Variants in TSPYL5 observed in about 807,000 individuals in gnomAD.
TSPYL5 encodes testis-specific Y-encoded-like protein 5.
For missense variants in TSPYL5, 556 were observed against 555.5 expected (o/e 1.00, Z -0.01); for synonymous variants, 276 against 236.1 (o/e 1.17, Z -1.55).
In TSPYL5 at chr8:97,274,905, C is replaced by T. The variant is rs1352255031; in HGVS notation, c.*1686G>A. 1 of 152,388 alleles carries T rather than the reference C, an allele frequency of 6.6e-6. No homozygotes were observed. Among genetic ancestry groups the T allele is most frequent in the Non-Finnish European group, 1.5e-5 (1 of 68,062 alleles). The allele number at this position is 152,388 out of a possible 1,614,324, so 9.4% of individuals were successfully genotyped here. The stretch of plus-strand genomic sequence containing the variant: ...CATCCCCCAGGAGAAGCTTGAGATG[C>T]TCCATATTGGAGACTAAAGCCCACT... On this transcript the variant is annotated 3_prime_UTR_variant, in exon 1 of 1. Transcript: ENST00000322128.
rs1403599308 is a variant in TSPYL5, at chr8:97,274,575, C to T, written c.*2016G>A. The T allele has an allele frequency of 6.6e-6, 1 of 152,048 alleles. No homozygotes were observed. The highest frequency in any genetic ancestry group is 1.5e-5 in the Non-Finnish European group (1 of 68,000). The allele number at this position is 152,048 out of a possible 1,614,324, so 9.4% of individuals were successfully genotyped here. A position where few individuals can be genotyped will look rare whatever the true frequency, so the allele number is the denominator to read the frequency against. On this transcript the variant is annotated 3_prime_UTR_variant, in exon 1 of 1. Transcript: ENST00000322128. ...TCACTGAGAGACAGGCATGCTCCCCCTGCGGCTTCTCAAGCCATTTCTGTC... is the reference window on the plus strand; with the variant it reads ...TCACTGAGAGACAGGCATGCTCCCCTTGCGGCTTCTCAAGCCATTTCTGTC...
chr8:97,277,846 G>A lies in TSPYL5; in HGVS notation c.-2C>T. 1.3e-5 allele frequency: 18 copies of A among 1,436,400 alleles called. No homozygotes were observed. Among genetic ancestry groups the A allele is most frequent in the Non-Finnish European group, 1.5e-5 (17 of 1,098,182 alleles). 89.0% of individuals were successfully genotyped at this position (1,436,400 alleles called of 1,614,324 possible). A position where few individuals can be genotyped will look rare whatever the true frequency, so the allele number is the denominator to read the frequency against. On this transcript the variant is annotated 5_prime_UTR_variant, in exon 1 of 1. Coordinates refer to ENST00000322128, the MANE Select transcript of TSPYL5 (RefSeq NM_033512.3). This position sits in a 1 kb window ranked among gnomAD's most constrained non-coding sequence, Gnocchi z 4.5. ...TCGACCCCGACTTCGGCCGCTCATG[G>A]TGGCGGCGGAGGCAGCTTCAAAGAC...
chr8:97,277,751 C>G lies in TSPYL5; in HGVS notation c.94G>C (p.Ala32Pro). The part of the protein sequence containing the change: ...KARVRPAPDD[A>P]PRDPDPSQYQ... ...TGTGAAGGGTCCGGGTCGCGCGGGG[C>G]GTCGTCCGGAGCAGGGCGGACTCGG... is the stretch of plus-strand genomic sequence containing the variant. The change falls in exon 1 of 1, where the codon GCC (alanine) becomes CCC (proline). Residue 32 changes from alanine to proline, a missense_variant. By Grantham distance (27) the Ala-to-Pro change is conservative. Transcript: ENST00000322128. The surrounding 1 kb of genome is among the most constrained non-coding windows in gnomAD (Gnocchi z 4.5). 2 of 1,545,974 alleles carry G rather than the reference C, an allele frequency of 1.3e-6. No individual in the cohort carries two copies. The highest frequency in any genetic ancestry group is 1.7e-6 in the Non-Finnish European group (2 of 1,149,104).
Position 97,277,068 on chromosome 8 carries a change from A to G in TSPYL5, c.777T>C (p.His259=), listed in dbSNP as rs2130736685. 1 of 1,613,670 alleles carries G rather than the reference A, an allele frequency of 6.2e-7. No homozygotes were observed. The highest frequency in any genetic ancestry group is 8.5e-7 in the Non-Finnish European group (1 of 1,180,016). ...TATTCAGAAAGGATGCTAGCTGGGGATGGTTCTGAAATGCTTGCCCCCAGA... is the reference window on the plus strand; with the variant it reads ...TATTCAGAAAGGATGCTAGCTGGGGGTGGTTCTGAAATGCTTGCCCCCAGA... ...PGFWGQAFQN[H]PQLASFLNSQ... Residue 259 remains histidine, a synonymous_variant, in exon 1 of 1, where the codon CAT becomes CAC. Coordinates refer to ENST00000322128, the MANE Select transcript of TSPYL5 (RefSeq NM_033512.3). The surrounding 1 kb of genome is among the most constrained non-coding windows in gnomAD (Gnocchi z 4.5).
rs1810466388 is a variant in TSPYL5 at position 97,273,783 on chromosome 8, T to C, written c.*2808A>G. On this transcript the variant is annotated 3_prime_UTR_variant, in exon 1 of 1. Coordinates refer to ENST00000322128, the MANE Select transcript of TSPYL5 (RefSeq NM_033512.3). ...TGACATTCTGGTGAAGGGTCTCAAG[T>C]ACCTTACCATATCAGAATTTTTGAA... The C allele has an allele frequency of 6.6e-6, 1 of 152,386 alleles. No homozygotes were observed. Among genetic ancestry groups the C allele is most frequent in the South Asian group, 2.1e-4 (1 of 4,830 alleles). The allele number at this position is 152,386 out of a possible 1,614,324, so 9.4% of individuals were successfully genotyped here.
rs1198099086 is a variant in TSPYL5, at chr8:97,274,634, G to T, written c.*1957C>A. The T allele has an allele frequency of 6.6e-6, 1 of 152,112 alleles. No individual in the cohort carries two copies. Among genetic ancestry groups the T allele is most frequent in the East Asian group, 1.9e-4 (1 of 5,180 alleles). The allele number at this position is 152,112 out of a possible 1,614,324, so 9.4% of individuals were successfully genotyped here. A position where few individuals can be genotyped will look rare whatever the true frequency, so the allele number is the denominator to read the frequency against. On this transcript the variant is annotated 3_prime_UTR_variant, in exon 1 of 1. Coordinates refer to ENST00000322128, the MANE Select transcript of TSPYL5 (RefSeq NM_033512.3). ...CAGGCCCACTCCATACCAGTATCAT[G>T]CCTACTCGACGGTTTTGCTCCAAAT...
rs1810478462 is a variant in TSPYL5 at position 97,274,379 on chromosome 8, A to G, written c.*2212T>C. 1 of 152,208 alleles carries G rather than the reference A, an allele frequency of 6.6e-6. No homozygotes were observed. The highest frequency in any genetic ancestry group is 2.4e-5 in the African/African-American group (1 of 41,448). The allele number at this position is 152,208 out of a possible 1,614,324, so 9.4% of individuals were successfully genotyped here. ...AAAGCCACACCTAGAACAAAAAAAT[A>G]AAGCATCCAAAGTAACATTATTCCG... On this transcript the variant is annotated 3_prime_UTR_variant, in exon 1 of 1. Coordinates refer to ENST00000322128, the MANE Select transcript of TSPYL5 (RefSeq NM_033512.3).
In TSPYL5 at chr8:97,276,360, T is replaced by A. The variant is rs1447217978; in HGVS notation, c.*231A>T. 1.8e-6 allele frequency: 1 copy of A among 546,940 alleles called. No individual in the cohort carries two copies. The highest frequency in any genetic ancestry group is 3.2e-6 in the Non-Finnish European group (1 of 312,272). 33.9% of individuals were successfully genotyped at this position (546,940 alleles called of 1,614,324 possible). ...ACAGGGAGCACACATCTAAAGTATG[T>A]GTGCTTAACATATGAACAGTCCGGG... On this transcript the variant is annotated 3_prime_UTR_variant, in exon 1 of 1. Coordinates refer to ENST00000322128, the MANE Select transcript of TSPYL5 (RefSeq NM_033512.3).
chr8:97,276,842 C>T lies in TSPYL5; in HGVS notation c.1003G>A (p.Asp335Asn). Residue 335 changes from aspartate to asparagine, a missense_variant, in exon 1 of 1, where the codon GAT becomes AAT. By Grantham distance (23) the Asp-to-Asn change is conservative (BLOSUM62 1). Transcript: ENST00000322128. ...TTTCCCTGGCTTAGGGACTGGAGATCATGCCCTGGGAGCCACTGGATTGGA... is the reference window on the plus strand; with the variant it reads ...TTTCCCTGGCTTAGGGACTGGAGATTATGCCCTGGGAGCCACTGGATTGGA... The part of the protein sequence containing the change: ...STPIQWLPGH[D>N]LQSLSQGNPE... The T allele has an allele frequency of 3.7e-6, 6 of 1,614,174 alleles. No homozygotes were observed. The highest frequency in any genetic ancestry group is 4.2e-6 in the Non-Finnish European group (5 of 1,180,032).
rs2130735453 is a variant in TSPYL5, at chr8:97,275,817, G to A, written c.*774C>T. 1 of 152,364 alleles carries A rather than the reference G, an allele frequency of 6.6e-6. No individual in the cohort carries two copies. The highest frequency in any genetic ancestry group is 2.1e-4 in the South Asian group (1 of 4,822). The allele number at this position is 152,364 out of a possible 1,614,324, so 9.4% of individuals were successfully genotyped here. A position where few individuals can be genotyped will look rare whatever the true frequency, so the allele number is the denominator to read the frequency against. ...GTCCTTGTTGACCAGGAAGCCAACTGGGGCTGACAGCAACCCAGACAAAAC... is the reference window on the plus strand; with the variant it reads ...GTCCTTGTTGACCAGGAAGCCAACTAGGGCTGACAGCAACCCAGACAAAAC... On this transcript the variant is annotated 3_prime_UTR_variant, in exon 1 of 1. Transcript: ENST00000322128.
At position 97,277,407 on chromosome 8, in the gene TSPYL5, C is replaced by G. The variant is rs757032630; in HGVS notation, c.438G>C (p.Gly146=). The G allele has an allele frequency of 6.2e-5, 98 of 1,573,218 alleles. No homozygotes were observed. Among genetic ancestry groups the G allele is most frequent in the Non-Finnish European group, 8.2e-5 (95 of 1,162,376 alleles). ...PRVGNRRGPA[G]KKAPETCSTA... is the part of the protein sequence containing the mutation. ...TGCTACAGGTTTCTGGGGCCTTCTT[C>G]CCGGCAGGGCCACGCCGGTTTCCAA... The change falls in exon 1 of 1, where the codon GGG becomes GGC. Residue 146 remains glycine (G), a synonymous_variant. Coordinates refer to ENST00000322128, the MANE Select transcript of TSPYL5 (RefSeq NM_033512.3). This position sits in a 1 kb window ranked among gnomAD's most constrained non-coding sequence, Gnocchi z 4.5.
In TSPYL5 at chr8:97,275,458, ATG is replaced by A. The variant is rs1294703644; in HGVS notation, c.*1131_*1132del. 6.6e-6 allele frequency: 1 copy of A among 152,206 alleles called. No homozygotes were observed. The highest frequency in any genetic ancestry group is 1.5e-5 in the Non-Finnish European group (1 of 68,054). The allele number at this position is 152,206 out of a possible 1,614,324, so 9.4% of individuals were successfully genotyped here. A position where few individuals can be genotyped will look rare whatever the true frequency, so the allele number is the denominator to read the frequency against. ...AAGAATGAGAGGGAGGAAATGAGGG[ATG>A]AAGGCAGGCAAGCAAAATAAGAAGT... On this transcript the variant is annotated 3_prime_UTR_variant, in exon 1 of 1. Transcript: ENST00000322128.
rs780126598 is a variant in TSPYL5 at position 97,276,845 on chromosome 8, G to T, written c.1000C>A (p.His334Asn). The T allele has an allele frequency of 6.2e-7, 1 of 1,614,190 alleles. No individual in the cohort carries two copies. Among genetic ancestry groups the T allele is most frequent in the Non-Finnish European group, 8.5e-7 (1 of 1,180,036 alleles). Reference protein sequence around the residue: ...RSTPIQWLPGHDLQSLSQGNP... With the variant: ...RSTPIQWLPGNDLQSLSQGNP... ...CCCTGGCTTAGGGACTGGAGATCAT[G>T]CCCTGGGAGCCACTGGATTGGAGTA... is the stretch of plus-strand genomic sequence containing the variant. The change falls in exon 1 of 1, where the codon CAT becomes AAT. Residue 334 changes from histidine (H) to asparagine (N), a missense_variant. By Grantham distance (68) the His-to-Asn change is moderately conservative. Transcript: ENST00000322128.
rs1182347954 is a variant in TSPYL5, at chr8:97,277,328, C to G, written c.517G>C (p.Ala173Pro). 6.2e-7 allele frequency: 1 copy of G among 1,609,602 alleles called. No homozygotes were observed. Among genetic ancestry groups the G allele is most frequent in the Non-Finnish European group, 8.5e-7 (1 of 1,177,566 alleles). The change falls in exon 1 of 1, where the codon GCA (alanine) becomes CCA (proline). Residue 173 changes from alanine to proline, a missense_variant. Physicochemically the swap from Ala to Pro is conservative, Grantham distance 27. Coordinates refer to ENST00000322128, the MANE Select transcript of TSPYL5 (RefSeq NM_033512.3). This position sits in a 1 kb window ranked among gnomAD's most constrained non-coding sequence, Gnocchi z 4.5. Reference sequence around the variant, plus strand: ...GCTGACACCGAGGTATTCTCCCCTGCCGCCCCTTTCTTCTGCCTCCCACCA... The same window carrying G: ...GCTGACACCGAGGTATTCTCCCCTGGCGCCCCTTTCTTCTGCCTCCCACCA... ...IAGGRQKKGA[A>P]GENTSVSAGE...
rs1810556721 is a variant in TSPYL5, at chr8:97,277,770, G to A, written c.75C>T (p.Val25=). ...NRGKGRAKAR[V]RPAPDDAPRD... ...GCGGGGCGTCGTCCGGAGCAGGGCG[G>A]ACTCGGGCTTTGGCGCGGCCTTTGC... is the stretch of plus-strand genomic sequence containing the variant. Residue 25 remains valine, a synonymous_variant, in exon 1 of 1, where the codon GTC becomes GTT. Transcript: ENST00000322128. This position sits in a 1 kb window ranked among gnomAD's most constrained non-coding sequence, Gnocchi z 4.5. 1 of 1,524,582 alleles carries A rather than the reference G, an allele frequency of 6.6e-7. No individual in the cohort carries two copies. Among genetic ancestry groups the A allele is most frequent in the Non-Finnish European group, 8.8e-7 (1 of 1,140,802 alleles). The allele number at this position is 1,524,582 out of a possible 1,614,324, so 94.4% of individuals were successfully genotyped here.
At position 97,277,342 on chromosome 8, in the gene TSPYL5, T is replaced by C. The variant is rs775513413; in HGVS notation, c.503A>G (p.Gln168Arg). The change falls in exon 1 of 1, where the codon CAG becomes CGG. Residue 168 changes from glutamine (Q) to arginine (R), a missense_variant. Transcript: ENST00000322128. This position sits in a 1 kb window ranked among gnomAD's most constrained non-coding sequence, Gnocchi z 4.5. ...RGPQVIAGGR[Q>R]KKGAAGENTS... ...ATTCTCCCCTGCCGCCCCTTTCTTC[T>C]GCCTCCCACCAGCTATGACCTGAGG... 1 of 1,609,510 alleles carries C rather than the reference T, an allele frequency of 6.2e-7. No homozygotes were observed. Among genetic ancestry groups the C allele is most frequent in the Non-Finnish European group, 8.5e-7 (1 of 1,177,436 alleles).
chr8:97,277,494 G>A lies in TSPYL5; in HGVS notation c.351C>T (p.Ala117=), dbSNP rs777885903. ...GKAASLSERL[A]ADTVFVGTAG... ...CTGTTCCCACGAAGACAGTGTCTGC[G>A]GCCAGGCGCTCCGAGAGAGATGCGG... Residue 117 remains alanine (A), a synonymous_variant, in exon 1 of 1, where the codon GCC becomes GCT. Coordinates refer to ENST00000322128, the MANE Select transcript of TSPYL5 (RefSeq NM_033512.3). The surrounding 1 kb of genome is among the most constrained non-coding windows in gnomAD (Gnocchi z 4.5). 5 of 1,521,226 alleles carry A rather than the reference G, an allele frequency of 3.3e-6. No homozygotes were observed. The highest frequency in any genetic ancestry group is 2.8e-5 in the African/African-American group (2 of 71,624). 94.2% of individuals were successfully genotyped at this position (1,521,226 alleles called of 1,614,324 possible).
Position 97,277,603 on chromosome 8 carries a change from A to T in TSPYL5, c.242T>A (p.Leu81His). 1 of 1,429,060 alleles carries T rather than the reference A, an allele frequency of 7.0e-7. No individual in the cohort carries two copies. Among genetic ancestry groups the T allele is most frequent in the Admixed American group, 3.1e-5 (1 of 31,900 alleles). The allele number at this position is 1,429,060 out of a possible 1,614,324, so 88.5% of individuals were successfully genotyped here. The part of the protein sequence containing the change: ...LRLGEEAACR[L>H]PLDCGLALRA... Reference sequence around the variant, plus strand: ...CAGCGCGAGGCCACAGTCCAGGGGGAGCCGGCAGGCGGCCTCCTCCCCGAG... The same window carrying T: ...CAGCGCGAGGCCACAGTCCAGGGGGTGCCGGCAGGCGGCCTCCTCCCCGAG... The change falls in exon 1 of 1, where the codon CTC (leucine) becomes CAC (histidine). Residue 81 changes from leucine to histidine, a missense_variant. Leu to His is a moderately conservative substitution (Grantham distance 99). Transcript: ENST00000322128. This position sits in a 1 kb window ranked among gnomAD's most constrained non-coding sequence, Gnocchi z 4.5.
Position 97,276,967 on chromosome 8 carries a change from T to C in TSPYL5, c.878A>G (p.Lys293Arg), listed in dbSNP as rs1005333076. 1 of 1,614,204 alleles carries C rather than the reference T, an allele frequency of 6.2e-7. No homozygotes were observed. Among genetic ancestry groups the C allele is most frequent in the Non-Finnish European group, 8.5e-7 (1 of 1,180,044 alleles). ...EELGLARLGYKIKFYFDRNPY... is the reference protein window; with the variant it reads ...EELGLARLGYRIKFYFDRNPY... ...GTTGCGATCGAAGTAGAACTTGATT[T>C]TGTAGCCCAATCTGGCAAGGCCGAG... is the stretch of plus-strand genomic sequence containing the variant. Residue 293 changes from lysine to arginine, a missense_variant, in exon 1 of 1, where the codon AAA becomes AGA. By Grantham distance (26) the Lys-to-Arg change is conservative. Transcript: ENST00000322128.
Sources: gnomAD v4.1 joint callset for allele counts on GRCh38, gnomAD v4.1.1 for gene constraint, Gnocchi (gnomAD v3.1) non-coding constraint, MANE v1.5 for transcripts, NCBI Gene and HGNC (gene_info 2026-07-23, HGNC 2026-07-21) for gene names.